SULT1A2: variants seen among roughly 807,000 people sequenced by gnomAD.
SULT1A2 encodes the protein sulfotransferase 1A2.
In SULT1A2, 33 loss-of-function variants were observed where a neutral mutation model predicts 36.0. The observed-to-expected ratio is 0.92, with a 90% CI of 0.69 to 1.22. The LOEUF is 1.22. Among genes scored for constraint, SULT1A2 ranks in the 50% most tolerant of loss-of-function variants. The probability of loss-of-function intolerance (pLI) is 0.00; values close to 1 mark genes in which losing one functional copy is unlikely to be tolerated. For missense variants in SULT1A2, 367 were observed against 383.2 expected (o/e 0.96, Z 0.35); for synonymous variants, 138 against 144.5 (o/e 0.96, Z 0.32).
rs749649625 is a variant in SULT1A2, at chr16:28,593,455, G to A, written c.486C>T (p.Phe162=). Residue 162 remains phenylalanine, a synonymous_variant, in exon 5 of 8, where the codon TTC becomes TTT. Transcript: ENST00000335715. ...PGTWESFLEK[F]MAGEVSYGSW... ...CATCAAGCCCACCTTCTCCAGCCATGAACTTCTCCAGGAAGCTTTCCCAGG... is the reference window on the plus strand; with the variant it reads ...CATCAAGCCCACCTTCTCCAGCCATAAACTTCTCCAGGAAGCTTTCCCAGG... 1 of 1,614,130 alleles carries A rather than the reference G, an allele frequency of 6.2e-7. No individual in the cohort carries two copies. The highest frequency in any genetic ancestry group is 8.5e-7 in the Non-Finnish European group (1 of 1,180,006).
chr16:28,593,581 A>G lies in SULT1A2; in HGVS notation c.373-13T>C. ...CAACATAGACCACCTGCAGGGGCAG[A>G]AGACTCAACCCCAGCACCATCACCA... is the stretch of plus-strand genomic sequence containing the variant. On this transcript the variant is annotated splice_polypyrimidine_tract_variant and intron_variant, in intron 4 of 7. Transcript: ENST00000335715. The G allele has an allele frequency of 1.2e-6, 2 of 1,613,994 alleles. No homozygotes were observed. Among genetic ancestry groups the G allele is most frequent in the South Asian group, 2.2e-5 (2 of 91,082 alleles).
chr16:28,593,984 G>A (rs1372866691), intron 4 of SULT1A2, among the ~76,000 whole-genome samples: 1 of 152,036 alleles, frequency 6.6e-6, no homozygotes, highest in Non-Finnish European at 1.5e-5. Context: ...TGGAGGAAGT[G>A]AGGCGACTCT....
At chr16:28,592,477 G>A in intron 6 of SULT1A2, 34 bp from the exon 7 acceptor site, 1 of 1,614,112 alleles carries the variant, frequency 6.2e-7, no homozygotes, top group Middle Eastern at 1.6e-4. Flanking sequence ...TGGAGGCTTG[G>A]ATTGCTGATT....
At position 28,592,076 on chromosome 16, in the gene SULT1A2, A is replaced by G. The variant is rs1160442713; in HGVS notation, c.840T>C (p.Tyr280=). ...GGCTGCAGCCTGCCATCTTCTTCGC[A>G]TAGTCCGCATCGAAGCGCTCATTCT... ...VAQNERFDAD[Y]AKKMAGCSLS... The change falls in exon 8 of 8, where the codon TAT becomes TAC. Residue 280 remains tyrosine, a synonymous_variant. Coordinates refer to ENST00000335715, the MANE Select transcript of SULT1A2 (RefSeq NM_001054.4). 1.9e-6 allele frequency: 3 copies of G among 1,612,078 alleles called. No homozygotes were observed. Among genetic ancestry groups the G allele is most frequent in the East Asian group, 2.2e-5 (1 of 44,880 alleles).
rs779825900 is a variant in SULT1A2, at chr16:28,596,283, T to G, written c.-4-349A>C. The stretch of plus-strand genomic sequence containing the variant: ...CTGCACTGAGGAACCTCTAGGACCT[T>G]CCTGTGCTGTCTTCCTGCCAGCCAG... On this transcript the variant is annotated intron_variant, in intron 1 of 7. Transcript: ENST00000335715. 2.1e-4 allele frequency: 252 copies of G among 1,223,596 alleles called. 1 individual carries two copies. Among genetic ancestry groups the G allele is most frequent in the Middle Eastern group, 1.0e-3 (3 of 2,902 alleles). 75.8% of individuals were successfully genotyped at this position (1,223,596 alleles called of 1,614,324 possible).
At chr16:28,593,828 A>G (rs1300447614) in intron 4 of SULT1A2, among the ~76,000 whole-genome samples, 1 of 152,300 alleles carries the variant, frequency 6.6e-6, no homozygotes, top group African/African-American at 2.4e-5. Flanking sequence ...GGCATGCTCC[A>G]CCAGGCATGT....
intron 1 of SULT1A2, chr16:28,596,421 G>C: frequency 1.1e-6 from 1 of 951,290 alleles, no homozygotes; most frequent in Non-Finnish European, 1.3e-6. Context: ...GCAACTCCTA[G>C]GCTGGCCAGG....
At chr16:28,596,088 A>T (rs1260478683) in intron 1 of SULT1A2, 154 bp from the exon 2 acceptor site, 1 of 1,512,022 alleles carries the variant, frequency 6.6e-7, no homozygotes, top group Non-Finnish European at 8.9e-7. Context: ...CTGGGGCTGA[A>T]AACCAGGTCG....
chr16:28,593,420 T>A, intron 5 of SULT1A2, 22 bp downstream of exon 5: 10 of 1,614,116 alleles, frequency 6.2e-6, no homozygotes, highest in Non-Finnish European at 8.5e-6. Flanking sequence ...CTCCACACCT[T>A]CCTTCCTCCC....
chr16:28,592,622 G>T, intron 6 of SULT1A2, 179 bp from the exon 7 acceptor site: 2 of 1,216,648 alleles, frequency 1.6e-6, no homozygotes, highest in Non-Finnish European at 2.3e-6. Flanking sequence ...TCTGCCCTGT[G>T]ATCCCATCAT....
rs56216373 is a variant in SULT1A2, at chr16:28,593,164, G to A, written c.594+88C>T. On this transcript the variant is annotated intron_variant, in intron 6 of 7. Transcript: ENST00000335715. ...CCGGGCCTGCTGGAGGGGCCGCCCA[G>A]GGAGGGTGGCTGGGTGGCCTTGGCA... The A allele has an allele frequency of 4.2e-4, 670 of 1,584,948 alleles. 7 individuals carry two copies. The East Asian group carries it at 0.014, about 32-fold the overall frequency.
In SULT1A2 at chr16:28,591,974, T is replaced by G. The variant is rs538003343; in HGVS notation, c.*54A>C. 522 of 1,611,760 alleles carry G rather than the reference T, an allele frequency of 3.2e-4. 1 individual carries two copies. The highest frequency in any genetic ancestry group is 4.5e-4 in the Middle Eastern group (2 of 4,434). ...ACAAATCATACTTTATTCTGGAGCC[T>G]CTTGGTCAGGCTTGATTCGCACACT... On this transcript the variant is annotated 3_prime_UTR_variant, in exon 8 of 8. Transcript: ENST00000335715.
At chr16:28,592,779 C>G (rs1352458737) in intron 6 of SULT1A2, among the ~76,000 whole-genome samples, 1 of 152,144 alleles carries the variant, frequency 6.6e-6, no homozygotes, top group African/African-American at 2.4e-5. Flanking sequence ...GTGTAATTCC[C>G]AAGACTTTGG....
chr16:28,592,922 G>A (rs1006682302), intron 6 of SULT1A2, among the ~76,000 whole-genome samples: 1 of 152,140 alleles, frequency 6.6e-6, no homozygotes, highest in African/African-American at 2.4e-5. Context: ...TGAGGCAGGA[G>A]AATCACTTGA....
chr16:28,595,242 C>CTA lies in SULT1A2; in HGVS notation c.372+123_372+124dup, dbSNP rs1187692361. 4 of 1,282,296 alleles carry CTA rather than the reference C, an allele frequency of 3.1e-6. No homozygotes were observed. The East Asian group carries it at 9.5e-5, about 31-fold the overall frequency. 79.4% of individuals were successfully genotyped at this position (1,282,296 alleles called of 1,614,324 possible). ...TAGCTGGTATTACAGGCACACACCA[C>CTA]TATGCACAGCTAAGTTTTTTTTTTG... is the stretch of plus-strand genomic sequence containing the variant. On this transcript the variant is annotated intron_variant, in intron 4 of 7. Transcript: ENST00000335715.
intron 4 of SULT1A2, 44 bp from the exon 5 acceptor site, chr16:28,593,612 C>T (rs1413864195): frequency 5.0e-6 from 8 of 1,611,660 alleles, no homozygotes; most frequent in Non-Finnish European, 6.8e-6. Flanking sequence ...CACCACACAG[C>T]CTGCCCCAGG....
At chr16:28,593,421 C>T (rs757026740) in intron 5 of SULT1A2, 21 bp downstream of exon 5, 22 of 1,614,076 alleles carry the variant, frequency 1.4e-5, no homozygotes, top group African/African-American at 8.0e-5. Context: ...TCCACACCTT[C>T]CTTCCTCCCA....
chr16:28,591,990 T>C lies in SULT1A2; in HGVS notation c.*38A>G. On this transcript the variant is annotated 3_prime_UTR_variant, in exon 8 of 8. Coordinates refer to ENST00000335715, the MANE Select transcript of SULT1A2 (RefSeq NM_001054.4). ...TCTGGAGCCTCTTGGTCAGGCTTGA[T>C]TCGCACACTCCCTCTGCAGTGACTC... The C allele has an allele frequency of 8.1e-6, 13 of 1,611,938 alleles. No individual in the cohort carries two copies. The highest frequency in any genetic ancestry group is 1.1e-5 in the Non-Finnish European group (13 of 1,179,840).
chr16:28,596,845 GA>G (rs1170257777), intron 1 of SULT1A2, 151 bp downstream of exon 1: 2 of 438,768 alleles, frequency 4.6e-6, no homozygotes, highest in Non-Finnish European at 7.2e-6. Context: ...AAAAAAAAAG[GA>G]AGGGAGGGGG....
Sources: allele counts gnomAD v4.1 joint callset (sites outside exome capture counted in the v4.1 genomes callset), GRCh38; gene constraint gnomAD v4.1.1; transcripts MANE v1.5; gene names NCBI Gene and HGNC (gene_info 2026-07-23, HGNC 2026-07-21).